Variants in WWOX observed in about 807,000 individuals in gnomAD.
WWOX encodes WW domain-containing oxidoreductase.
WWOX carries 69 observed loss-of-function variants against 46.2 expected under a neutral mutation model. The ratio of observed to expected loss-of-function variants is 1.49; its 90% CI spans 1.23 to 1.82. The LOEUF (loss-of-function observed/expected upper bound fraction) is 1.82. WWOX is among the 40% of genes most tolerant of loss of function. The probability of loss-of-function intolerance (pLI) is 0.00; values close to 1 mark genes in which losing one functional copy is unlikely to be tolerated. For missense variants in WWOX, 919 were observed against 542.6 expected (o/e 1.69, Z -6.89); for synonymous variants, 359 against 202.6 (o/e 1.77, Z -6.56).
At chr16:78,524,392 ATTTATTTATTTATTTG>A (rs1477674048) in intron 8 of WWOX, among the ~76,000 whole-genome samples, 8 of 63,278 alleles carry the variant, frequency 1.3e-4, no homozygotes, top group East Asian at 5.2e-3. Flanking sequence ...GATTTCATTT[ATTTATTTATTTATTTG>A]TTTATTTATT....
In WWOX at chr16:78,491,743, G is replaced by A. The variant is rs114714986; in HGVS notation, c.1056+58991G>A. Among the ~76,000 whole-genome samples the A allele has an allele frequency of 6.5e-3, 983 of 152,282 alleles. 11 individuals carry two copies. The highest frequency in any genetic ancestry group is 0.022 in the African/African-American group (928 of 41,554). On this transcript the variant is annotated intron_variant, in intron 8 of 8. Coordinates refer to ENST00000566780, the MANE Select transcript of WWOX (RefSeq NM_016373.4). The stretch of plus-strand genomic sequence containing the variant: ...ACTGAAAACTGGAGTTTATTTGTAA[G>A]CTGGGAGATGGGAGCTGAATTTGAA...
rs1055810236 is a variant in WWOX at position 78,355,680 on chromosome 16, T to G, written c.517-31180T>G. 4.1e-6 allele frequency: 3 copies of G among 735,578 alleles called. No individual in the cohort carries two copies. In the Admixed American group the frequency reaches 5.7e-5, roughly 14 times the overall value. The allele number at this position is 735,578 out of a possible 1,614,324, so 45.6% of individuals were successfully genotyped here. A position where few individuals can be genotyped will look rare whatever the true frequency, so the allele number is the denominator to read the frequency against. The stretch of plus-strand genomic sequence containing the variant: ...CATACTTATGATCAACATTTAAATA[T>G]GATCTTGGGAGACGTGGAAGAAACT... On this transcript the variant is annotated intron_variant, in intron 5 of 8. Transcript: ENST00000566780.
At chr16:78,242,605 G>T (rs2037691171) in intron 5 of WWOX, among the ~76,000 whole-genome samples, 1 of 152,206 alleles carries the variant, frequency 6.6e-6, no homozygotes. Context: ...TTAAAAAGGT[G>T]AGGGTAGCAG....
intron 5 of WWOX, among the ~76,000 whole-genome samples, chr16:78,272,912 C>T (rs1439104486): frequency 6.6e-6 from 1 of 152,108 alleles, no homozygotes; most frequent in Non-Finnish European, 1.5e-5. Flanking sequence ...TTAACAGCAG[C>T]TATGTTGAAG....
chr16:78,593,596 C>T (rs931088133), intron 8 of WWOX, among the ~76,000 whole-genome samples: 13 of 152,150 alleles, frequency 8.5e-5, no homozygotes, highest in Non-Finnish European at 1.5e-4. Flanking sequence ...CAAGTCCTTC[C>T]GGGGACTTTG....
At position 78,425,049 on chromosome 16, in the gene WWOX, C is replaced by T; in HGVS notation, c.785C>T (p.Ser262Phe). 6.2e-7 allele frequency: 1 copy of T among 1,613,684 alleles called. No homozygotes were observed. Among genetic ancestry groups the T allele is most frequent in the Non-Finnish European group, 8.5e-7 (1 of 1,180,014 alleles). ...PARVIVVSSE[S>F]HRFTDINDSL... Reference sequence around the variant, plus strand: ...CGTGTCATTGTGGTCTCCTCAGAGTCCCATCGGTGGGTTTGAATTGCATAT... The same window carrying T: ...CGTGTCATTGTGGTCTCCTCAGAGTTCCATCGGTGGGTTTGAATTGCATAT... Residue 262 changes from serine (S) to phenylalanine (F), a missense_variant, in exon 7 of 9, where the codon TCC becomes TTC. Physicochemically the swap from Ser to Phe is radical, Grantham distance 155. Coordinates refer to ENST00000566780, the MANE Select transcript of WWOX (RefSeq NM_016373.4).
chr16:78,663,986 T>G (rs2047274092), intron 8 of WWOX, among the ~76,000 whole-genome samples: 1 of 152,176 alleles, frequency 6.6e-6, no homozygotes, highest in African/African-American at 2.4e-5. Context: ...TGGATTTTCC[T>G]TGACTTATGG....
At chr16:78,806,331 T>C (rs568624509) in intron 8 of WWOX, among the ~76,000 whole-genome samples, 1 of 152,336 alleles carries the variant, frequency 6.6e-6, no homozygotes, top group East Asian at 1.9e-4. Context: ...TTTGACTATA[T>C]TCCAGTAACA....
chr16:78,905,103 T>G (rs9319527), intron 8 of WWOX, among the ~76,000 whole-genome samples: 3 of 152,062 alleles, frequency 2.0e-5, no homozygotes, highest in African/African-American at 7.3e-5. Flanking sequence ...TTAAAACATA[T>G]TGCATAATGA....
At chr16:78,683,945 C>T (rs1433609396) in intron 8 of WWOX, among the ~76,000 whole-genome samples, 1 of 152,164 alleles carries the variant, frequency 6.6e-6, no homozygotes, top group African/African-American at 2.4e-5. Context: ...GGAAAGGAGG[C>T]AGTTTTGGGT....
intron 5 of WWOX, among the ~76,000 whole-genome samples, chr16:78,227,330 T>TG (rs1295990392): frequency 6.6e-6 from 1 of 151,762 alleles, no homozygotes; most frequent in Admixed American, 6.6e-5. Flanking sequence ...TAAGGAGTCT[T>TG]GGGAGGTAAT....
intron 8 of WWOX, among the ~76,000 whole-genome samples, chr16:78,744,422 CTTTTTTTTTTTTT>C (rs976073233): frequency 2.4e-4 from 20 of 82,256 alleles, no homozygotes; most frequent in Non-Finnish European, 3.6e-4. Context: ...GTCCACACTG[CTTTTTTTTTTTTT>C]TTTTTTTTTT....
chr16:78,626,156 A>G (rs2046306434), intron 8 of WWOX, among the ~76,000 whole-genome samples: 1 of 150,930 alleles, frequency 6.6e-6, no homozygotes, highest in Admixed American at 6.6e-5. Context: ...TTTGAGATGG[A>G]GTCTGGCTCT....
chr16:78,538,636 GT>G (rs1436294641), intron 8 of WWOX, among the ~76,000 whole-genome samples: 1 of 152,162 alleles, frequency 6.6e-6, no homozygotes, highest in Non-Finnish European at 1.5e-5. Context: ...CAAAGACTTT[GT>G]GTTTCCTATG....
At chr16:78,435,432 A>G (rs1205308222) in intron 8 of WWOX, among the ~76,000 whole-genome samples, 2 of 152,190 alleles carry the variant, frequency 1.3e-5, no homozygotes, top group Admixed American at 1.3e-4. Flanking sequence ...AAGGCTTGGG[A>G]GAAACAAATG....
chr16:78,672,796 C>T (rs2047498550), intron 8 of WWOX, among the ~76,000 whole-genome samples: 1 of 152,202 alleles, frequency 6.6e-6, no homozygotes, highest in African/African-American at 2.4e-5. Flanking sequence ...TCTTGAGTTT[C>T]CAATGATAAC....
chr16:78,545,079 A>C (rs1249424816), intron 8 of WWOX, among the ~76,000 whole-genome samples: 1 of 152,186 alleles, frequency 6.6e-6, no homozygotes, highest in African/African-American at 2.4e-5. Context: ...ACGTGAATTA[A>C]GTTTTCATTC....
chr16:78,529,911 C>A (rs2043579999), intron 8 of WWOX, among the ~76,000 whole-genome samples: 1 of 152,154 alleles, frequency 6.6e-6, no homozygotes, highest in African/African-American at 2.4e-5. Flanking sequence ...TTTTACAAAT[C>A]TCCTGAAGAG....
At chr16:79,203,152 C>G (rs2051397483) in intron 8 of WWOX, 1 of 152,124 alleles carries the variant, frequency 6.6e-6, no homozygotes, top group African/African-American at 2.4e-5. Flanking sequence ...TTCTCATTAC[C>G]CATCGACCAC....
Sources: gnomAD v4.1 joint callset for allele counts (sites outside exome capture counted in the v4.1 genomes callset) on GRCh38, gnomAD v4.1.1 for gene constraint, MANE v1.5 for transcripts, NCBI Gene and HGNC (gene_info 2026-07-23, HGNC 2026-07-21) for gene names.